KIF16B: variants seen among roughly 807,000 people sequenced by gnomAD.
The protein encoded by KIF16B is kinesin-like protein KIF16B.
KIF16B carries 98 observed loss-of-function variants against 156.3 expected under a neutral mutation model. The ratio of observed to expected loss-of-function variants is 0.63; its 90% CI spans 0.53 to 0.74. The LOEUF is 0.74. Ranked by LOEUF, KIF16B falls within the 30% of genes least tolerant of loss-of-function variation. KIF16B has a pLI of 0.00. For synonymous variants in KIF16B, 564 were observed against 583.7 expected, an observed-to-expected ratio of 0.97 and a Z score of 0.49; for missense variants, 1,421 against 1,606.5, an observed-to-expected ratio of 0.88 and a Z score of 1.97.
chr20:16,411,870 T>C (rs894516268), intron 15 of KIF16B, among the ~76,000 whole-genome samples: 1 of 151,544 alleles, frequency 6.6e-6, no homozygotes, highest in South Asian at 2.1e-4. Flanking sequence ...CCACTTGTGG[T>C]GTTATGCTGG....
chr20:16,413,993 T>C (rs1276679105), intron 15 of KIF16B, among the ~76,000 whole-genome samples: 1 of 152,062 alleles, frequency 6.6e-6, no homozygotes, highest in African/African-American at 2.4e-5. Flanking sequence ...CTTAAAGATA[T>C]TTATTTATAT....
intron 15 of KIF16B, among the ~76,000 whole-genome samples, chr20:16,415,723 C>T (rs1440679157): frequency 3.3e-5 from 5 of 152,142 alleles, no homozygotes; most frequent in Admixed American, 1.3e-4. Flanking sequence ...ATCTAAGTCA[C>T]TTTTTCACTA....
At chr20:16,514,582 GAAAAA>G (rs540602451) in intron 4 of KIF16B, among the ~76,000 whole-genome samples, 993 of 76,920 alleles carry the variant, frequency 0.013, 10 homozygotes, top group Admixed American at 0.039. Flanking sequence ...TAAGAAATAA[GAAAAA>G]AAAAAAAAAA....
At chr20:16,483,172 G>T (rs1194267174) in intron 12 of KIF16B, among the ~76,000 whole-genome samples, 1 of 152,166 alleles carries the variant, frequency 6.6e-6, no homozygotes, top group African/African-American at 2.4e-5. Flanking sequence ...CATTCTGAGG[G>T]TAGACAGCCT....
intron 15 of KIF16B, among the ~76,000 whole-genome samples, chr20:16,420,648 C>T (rs1167476907): frequency 6.6e-6 from 1 of 152,090 alleles, no homozygotes; most frequent in East Asian, 1.9e-4. Context: ...CTCTTCTTGA[C>T]ATCTTTTACT....
chr20:16,499,116 G>T (rs142447334), intron 10 of KIF16B, among the ~76,000 whole-genome samples: 21 of 152,132 alleles, frequency 1.4e-4, no homozygotes, highest in African/African-American at 5.1e-4. Context: ...CCATTCATAC[G>T]TGAGGGGTCG....
intron 22 of KIF16B, chr20:16,367,670 T>C (rs760301509): frequency 6.2e-7 from 1 of 1,612,664 alleles, no homozygotes; most frequent in Non-Finnish European, 8.5e-7. Context: ...GTCTGGAATT[T>C]GGATGACACC....
chr20:16,430,946 CA>C (rs1276827454), intron 12 of KIF16B, among the ~76,000 whole-genome samples: 1 of 151,088 alleles, frequency 6.6e-6, no homozygotes, highest in African/African-American at 2.4e-5. Context: ...AAACAAAAAA[CA>C]AAAAACAAAA....
At chr20:16,521,128 C>T (rs2069335040) in intron 3 of KIF16B, among the ~76,000 whole-genome samples, 1 of 152,058 alleles carries the variant, frequency 6.6e-6, no homozygotes, top group African/African-American at 2.4e-5. Flanking sequence ...AGAATTACAA[C>T]TCCTCACCAG....
intron 17 of KIF16B, among the ~76,000 whole-genome samples, chr20:16,395,828 G>A (rs4814484): frequency 0.23 from 34,904 of 151,860 alleles, 4,084 homozygotes; most frequent in African/African-American, 0.28. Flanking sequence ...ACACTCTAAG[G>A]AGGCCCATTT....
chr20:16,367,742 C>A lies in KIF16B; in HGVS notation c.3498+2844G>T, dbSNP rs758160674. 2.5e-6 allele frequency: 4 copies of A among 1,612,460 alleles called. No individual in the cohort carries two copies. The highest frequency in any genetic ancestry group is 3.4e-6 in the Non-Finnish European group (4 of 1,179,708). ...GTTTTCCAATCAAGAGAAAGCTGAA[C>A]CAGATCTTGCTGGAGCAAGGGATGA... On this transcript the variant is annotated intron_variant, in intron 22 of 25. Coordinates refer to ENST00000354981, the MANE Select transcript of KIF16B (RefSeq NM_024704.5).
At chr20:16,498,825 A>C (rs537536335) in intron 10 of KIF16B, among the ~76,000 whole-genome samples, 1 of 105,528 alleles carries the variant, frequency 9.5e-6, no homozygotes, top group East Asian at 3.7e-4. Flanking sequence ...TATAATTGCC[A>C]AGTTGTCTTC....
At chr20:16,519,710 CT>C (rs1268606359) in intron 3 of KIF16B, among the ~76,000 whole-genome samples, 1 of 152,216 alleles carries the variant, frequency 6.6e-6, no homozygotes, top group African/African-American at 2.4e-5. Context: ...GAAACAAGTA[CT>C]TTTGGTGGCT....
chr20:16,315,597 C>T (rs1228602702), intron 24 of KIF16B, among the ~76,000 whole-genome samples: 1 of 152,158 alleles, frequency 6.6e-6, no homozygotes, highest in Non-Finnish European at 1.5e-5. Flanking sequence ...ACAGTTCCAA[C>T]AAGAGTTGTC....
chr20:16,365,460 T>C (rs1456666804), intron 22 of KIF16B, among the ~76,000 whole-genome samples: 1 of 152,138 alleles, frequency 6.6e-6, no homozygotes, highest in Non-Finnish European at 1.5e-5. Flanking sequence ...ATGAAAAACA[T>C]GAGAATCCAA....
chr20:16,507,140 A>G (rs6034509), intron 7 of KIF16B, among the ~76,000 whole-genome samples: 35,886 of 151,564 alleles, frequency 0.24, 4,888 homozygotes, highest in East Asian at 0.36. Flanking sequence ...ATGCTAATCA[A>G]GCACTAACCA....
chr20:16,453,772 TGATCTATCA>T (rs1422134514), intron 12 of KIF16B, among the ~76,000 whole-genome samples: 1 of 152,248 alleles, frequency 6.6e-6, no homozygotes, highest in Non-Finnish European at 1.5e-5. Context: ...GATCCATTTC[TGATCTATCA>T]GACCAGCAAA....
At chr20:16,492,722 G>A (rs920186513) in intron 12 of KIF16B, among the ~76,000 whole-genome samples, 2 of 152,120 alleles carry the variant, frequency 1.3e-5, no homozygotes, top group Non-Finnish European at 2.9e-5. Flanking sequence ...CAGCAGAAGA[G>A]ACGGAGCTTC....
chr20:16,553,908 C>T (rs1017346314), intron 1 of KIF16B, among the ~76,000 whole-genome samples: 4 of 152,158 alleles, frequency 2.6e-5, no homozygotes, highest in East Asian at 1.9e-4. Context: ...GCCAGGTGTG[C>T]GCACACTTAG....
Sources: gnomAD v4.1 joint callset for allele counts (sites outside exome capture counted in the v4.1 genomes callset) on GRCh38, gnomAD v4.1.1 for gene constraint, MANE v1.5 for transcripts, NCBI Gene and HGNC (gene_info 2026-07-23, HGNC 2026-07-21) for gene names.